Variants in ANKFN1 observed in about 807,000 individuals in gnomAD.
ANKFN1 encodes ankyrin repeat and fibronectin type III domain containing 1.
A neutral mutation model predicts 108.7 loss-of-function variants in ANKFN1; 74 were observed. The ratio of observed to expected loss-of-function variants is 0.68; its 90% CI spans 0.56 to 0.83. The LOEUF is 0.83. ANKFN1 is among the 40% of genes least tolerant of loss of function. The pLI is 0.00. For missense variants in ANKFN1, 1,505 were observed against 1,382.3 expected (o/e 1.09, Z -1.41); for synonymous variants, 547 against 516.2 (o/e 1.06, Z -0.81).
At chr17:56,149,090 C>G (rs1207550918), upstream of ANKFN1, among the ~76,000 whole-genome samples, 1 of 152,008 alleles carries the variant, frequency 6.6e-6, no homozygotes, top group African/African-American at 2.4e-5. Flanking sequence ...TTTCTGTTGC[C>G]TGAAGGTAAC....
chr17:56,341,865 G>A (rs368968361), intron 4 of ANKFN1, among the ~76,000 whole-genome samples: 1 of 151,732 alleles, frequency 6.6e-6, no homozygotes, highest in Admixed American at 6.6e-5. Flanking sequence ...TTTTGGAATC[G>A]TTTCAGTAGG....
At chr17:56,078,060 G>C (rs527438479) in intron 4 of ANKFN1, among the ~76,000 whole-genome samples, 1 of 152,230 alleles carries the variant, frequency 6.6e-6, no homozygotes, top group African/African-American at 2.4e-5. Flanking sequence ...TTTTGTTGTA[G>C]CGGGCAGTAA....
At chr17:56,253,670 C>G (rs1302552085) in intron 3 of ANKFN1, among the ~76,000 whole-genome samples, 1 of 151,990 alleles carries the variant, frequency 6.6e-6, no homozygotes, top group African/African-American at 2.4e-5. Context: ...ACCTGGGAGG[C>G]AGAGATTGCA....
intron 4 of ANKFN1, among the ~76,000 whole-genome samples, chr17:56,340,077 T>C (rs1402455155): frequency 6.6e-6 from 1 of 152,224 alleles, no homozygotes; most frequent in Non-Finnish European, 1.5e-5. Flanking sequence ...TTTTTTCATA[T>C]GATTGTTGGC....
At chr17:56,046,473 C>T (rs1904679634) in intron 4 of ANKFN1, 2 of 152,072 alleles carry the variant, frequency 1.3e-5, no homozygotes, top group African/African-American at 4.8e-5. Context: ...AAAGGAGGTA[C>T]AGGAGTGTGC....
At chr17:56,403,865 G>T (rs1171760055) in intron 8 of ANKFN1, among the ~76,000 whole-genome samples, 1 of 152,110 alleles carries the variant, frequency 6.6e-6, no homozygotes, top group Non-Finnish European at 1.5e-5. Context: ...CTTTGTAATG[G>T]TGAATTCTGT....
chr17:56,481,305 G>A (rs1038518500), intron 17 of ANKFN1, among the ~76,000 whole-genome samples: 1 of 152,086 alleles, frequency 6.6e-6, no homozygotes, highest in Non-Finnish European at 1.5e-5. Context: ...CAAAATTATT[G>A]TTGTATCTAA....
chr17:56,354,045 C>T lies in ANKFN1; in HGVS notation c.600C>T (p.His200=). 2.5e-6 allele frequency: 4 copies of T among 1,613,468 alleles called. No individual in the cohort carries two copies. The highest frequency in any genetic ancestry group is 2.5e-6 in the Non-Finnish European group (3 of 1,179,760). Residue 200 remains histidine, a splice_region_variant and synonymous_variant, in exon 6 of 21, where the codon CAC becomes CAT. Transcript: ENST00000682825. ...LLRTGARESP[H]FVSLESRAMH... is the part of the protein sequence containing the mutation. The stretch of plus-strand genomic sequence containing the variant: ...GGACAGGGGCCCGAGAAAGTCCACA[C>T]TGTAAGTAACCTGAGAATAAACACA...
intron 14 of ANKFN1, among the ~76,000 whole-genome samples, chr17:56,464,396 G>A (rs1160081178): frequency 6.6e-6 from 1 of 152,174 alleles, no homozygotes; most frequent in Non-Finnish European, 1.5e-5. Flanking sequence ...AAAAGTGGCT[G>A]AGTCCTTTCC....
At chr17:56,230,160 C>G (rs1916624676) in intron 3 of ANKFN1, among the ~76,000 whole-genome samples, 1 of 152,024 alleles carries the variant, frequency 6.6e-6, no homozygotes, top group South Asian at 2.1e-4. Flanking sequence ...ACATAAAATC[C>G]CAACCCACGG....
At chr17:56,289,681 G>A (rs911923031) in intron 3 of ANKFN1, among the ~76,000 whole-genome samples, 9 of 152,210 alleles carry the variant, frequency 5.9e-5, no homozygotes, top group African/African-American at 2.2e-4. Context: ...CTCCCTTCGG[G>A]ATTGCTTTGG....
At chr17:56,353,729 T>C (rs2046306083) in intron 5 of ANKFN1, 107 bp from the exon 6 acceptor site, 3 of 922,236 alleles carry the variant, frequency 3.3e-6, no homozygotes, top group Non-Finnish European at 5.1e-6. Context: ...ATTCCACTTA[T>C]AAGTGGACAT....
chr17:56,291,529 G>T (rs2044364748), intron 3 of ANKFN1, among the ~76,000 whole-genome samples: 1 of 152,160 alleles, frequency 6.6e-6, no homozygotes, highest in African/African-American at 2.4e-5. Flanking sequence ...TTATTATGAT[G>T]ATGATTATGA....
chr17:56,182,115 A>G lies in ANKFN1; in HGVS notation c.-71+28585A>G, dbSNP rs1294435918. Among the ~76,000 whole-genome samples the G allele has an allele frequency of 1.3e-5, 2 of 152,144 alleles. 1 individual carries two copies. The highest frequency in any genetic ancestry group is 3.9e-4 in the East Asian group (2 of 5,184). On this transcript the variant is annotated intron_variant, in intron 1 of 20. Coordinates refer to ENST00000682825, the MANE Select transcript of ANKFN1 (RefSeq NM_001370326.1). ...CTGCCATCTGTCTCCTGTTCCTTGG[A>G]TGTCCCTATTTCCTGAGACACAATA... is the stretch of plus-strand genomic sequence containing the variant.
intron 2 of ANKFN1, among the ~76,000 whole-genome samples, chr17:56,227,699 T>C (rs1473805677): frequency 3.9e-5 from 6 of 152,080 alleles, no homozygotes; most frequent in African/African-American, 1.2e-4. Context: ...GAGCTGAGCA[T>C]GTGATGAGAT....
intron 15 of ANKFN1, among the ~76,000 whole-genome samples, chr17:56,467,593 C>T (rs2050118893): frequency 6.7e-6 from 1 of 149,866 alleles, no homozygotes; most frequent in South Asian, 2.1e-4. Context: ...GGCAGAATTG[C>T]TTGAACCAGG....
At chr17:56,416,454 C>T (rs8078250) in intron 8 of ANKFN1, among the ~76,000 whole-genome samples, 90,671 of 152,072 alleles carry the variant, frequency 0.6, 29,537 homozygotes, top group East Asian at 0.95. Context: ...TATTAAAAGG[C>T]GCTCAACATC....
chr17:56,054,011 T>G (rs1904823163), intron 4 of ANKFN1, among the ~76,000 whole-genome samples: 1 of 152,130 alleles, frequency 6.6e-6, no homozygotes, highest in South Asian at 2.1e-4. Context: ...TCTTCCTCCC[T>G]CCCTCTTCTG....
intron 8 of ANKFN1, among the ~76,000 whole-genome samples, chr17:56,397,461 A>G (rs1433221710): frequency 6.6e-6 from 1 of 152,240 alleles, no homozygotes; most frequent in East Asian, 1.9e-4. Flanking sequence ...AAAGTGCTTT[A>G]AATTCTGACA....
Sources: gnomAD v4.1 joint callset for allele counts (sites outside exome capture counted in the v4.1 genomes callset) on GRCh38, gnomAD v4.1.1 for gene constraint, MANE v1.5 for transcripts, NCBI Gene and HGNC (gene_info 2026-07-23, HGNC 2026-07-21) for gene names.